Variants in BEGAIN observed in about 807,000 individuals in gnomAD.
BEGAIN encodes brain-enriched guanylate kinase-associated protein.
BEGAIN carries 19 observed loss-of-function variants against 35.8 expected under a neutral mutation model. That is an observed-to-expected ratio of 0.53 (90% CI 0.37 to 0.78). The LOEUF (loss-of-function observed/expected upper bound fraction) is 0.78. Among genes scored for constraint, BEGAIN ranks in the 30% least tolerant of loss-of-function variants. The pLI, the probability that BEGAIN is intolerant of heterozygous loss-of-function variation, is 0.00. For missense variants in BEGAIN, 795 were observed against 853.6 expected (o/e 0.93, Z 0.85); for synonymous variants, 462 against 388.6 (o/e 1.19, Z -2.22).
At position 100,538,357 on chromosome 14, in the gene BEGAIN, C is replaced by A; in HGVS notation, c.1451G>T (p.Ser484Ile). The A allele has an allele frequency of 6.6e-7, 1 of 1,514,346 alleles. No homozygotes were observed. The allele number at this position is 1,514,346 out of a possible 1,614,324, so 93.8% of individuals were successfully genotyped here. ...SPGKKADGRA[S>I]PLYASYKADS... Reference sequence around the variant, plus strand: ...GGCCTTGTAGCTGGCGTAGAGCGGGCTGGCGCGGCCGTCGGCCTTCTTGCC... The same window carrying A: ...GGCCTTGTAGCTGGCGTAGAGCGGGATGGCGCGGCCGTCGGCCTTCTTGCC... The change falls in exon 7 of 7, where the codon AGC (serine) becomes ATC (isoleucine). Residue 484 changes from serine (S) to isoleucine (I), a missense_variant. Around this residue, in one of 3 missense-constraint regions of BEGAIN, gnomAD observed 664 missense variants for 647.7 expected, o/e 1.03. Coordinates refer to ENST00000554140, the MANE Select transcript of BEGAIN (RefSeq NM_001385089.1).
intron 2 of BEGAIN, 61 bp from the exon 3 acceptor site, chr14:100,546,723 G>T: frequency 6.8e-7 from 1 of 1,466,122 alleles, no homozygotes. Flanking sequence ...ACTAAGGCCC[G>T]CAGGCCAGCC....
rs527841106 is a variant in BEGAIN at position 100,586,609 on chromosome 14, G to C, written c.42+640C>G. Among the ~76,000 whole-genome samples, 1 of 152,324 alleles carries C rather than the reference G, an allele frequency of 6.6e-6. No homozygotes were observed. The highest frequency in any genetic ancestry group is 2.4e-5 in the African/African-American group (1 of 41,594). On this transcript the variant is annotated intron_variant, in intron 1 of 6. Coordinates refer to ENST00000554140, the MANE Select transcript of BEGAIN (RefSeq NM_001385089.1). The surrounding 1 kb of genome is among the most constrained non-coding windows in gnomAD (Gnocchi z 4.9). ...ACGTGCTGGGGCTCAGGGAGGGTGA[G>C]CGCGCCGGCTGAGCCGCTCTGGGCG... is the stretch of plus-strand genomic sequence containing the variant.
At chr14:100,541,122 G>A (rs541290840) in intron 5 of BEGAIN, among the ~76,000 whole-genome samples, 1 of 152,270 alleles carries the variant, frequency 6.6e-6, no homozygotes, top group African/African-American at 2.4e-5. Context: ...GACTGGGCAG[G>A]TGTGTGACCT....
At chr14:100,562,288 C>A (rs2034326806) in intron 2 of BEGAIN, among the ~76,000 whole-genome samples, 1 of 152,098 alleles carries the variant, frequency 6.6e-6, no homozygotes, top group African/African-American at 2.4e-5. Context: ...GTTGTCGGGG[C>A]CCAGACCACA....
intron 1 of BEGAIN, among the ~76,000 whole-genome samples, chr14:100,583,787 C>T (rs192251849): frequency 1.2e-4 from 18 of 150,350 alleles, no homozygotes; most frequent in African/African-American, 4.2e-4. Context: ...ACCTCTGCCT[C>T]CTGGGTTCAA....
intron 2 of BEGAIN, among the ~76,000 whole-genome samples, chr14:100,564,177 T>C (rs1328269395): frequency 1.3e-5 from 2 of 151,706 alleles, no homozygotes; most frequent in African/African-American, 4.8e-5. Context: ...GTTGGCCATG[T>C]TGAACTCCTT....
intron 3 of BEGAIN, chr14:100,545,376 C>T: frequency 8.3e-7 from 1 of 1,199,202 alleles, no homozygotes. Context: ...ACACGCGGAG[C>T]CAGTTTACTC....
intron 2 of BEGAIN, among the ~76,000 whole-genome samples, chr14:100,562,783 A>C (rs1394294834): frequency 6.6e-6 from 1 of 151,390 alleles, no homozygotes; most frequent in Admixed American, 6.6e-5. Context: ...CCCGCCCCCC[A>C]CTCACTGCCT....
intron 1 of BEGAIN, among the ~76,000 whole-genome samples, chr14:100,570,817 G>A (rs142947000): frequency 1.6e-4 from 24 of 152,318 alleles, no homozygotes; most frequent in African/African-American, 5.8e-4. Flanking sequence ...AAGACTCGGT[G>A]ATTTTCGTGA....
At position 100,563,087 on chromosome 14, in the gene BEGAIN, T is replaced by C. The variant is rs891374367; in HGVS notation, c.71+4824A>G. Among the ~76,000 whole-genome samples the C allele has an allele frequency of 2.0e-5, 3 of 152,210 alleles. No homozygotes were observed. The highest frequency in any genetic ancestry group is 4.4e-5 in the Non-Finnish European group (3 of 68,040). On this transcript the variant is annotated intron_variant, in intron 2 of 6. Coordinates refer to ENST00000554140, the MANE Select transcript of BEGAIN (RefSeq NM_001385089.1). The surrounding 1 kb of genome is among the most constrained non-coding windows in gnomAD (Gnocchi z 4.2). ...GGTCAGGACCTTCGAGGCCACCTGCTCTCCATCTGTCTCCATCCCTGGGAC... is the reference window on the plus strand; with the variant it reads ...GGTCAGGACCTTCGAGGCCACCTGCCCTCCATCTGTCTCCATCCCTGGGAC...
intron 5 of BEGAIN, among the ~76,000 whole-genome samples, chr14:100,543,445 G>A (rs1349495643): frequency 6.6e-6 from 1 of 152,192 alleles, no homozygotes; most frequent in African/African-American, 2.4e-5. Flanking sequence ...CAGGGTCCCT[G>A]AAATTAGGCC....
At chr14:100,583,778 C>T (rs930026348) in intron 1 of BEGAIN, among the ~76,000 whole-genome samples, 1 of 144,402 alleles carries the variant, frequency 6.9e-6, no homozygotes, top group Non-Finnish European at 1.5e-5. Context: ...TGCAACCTCA[C>T]CTCTGCCTCC....
rs999783883 is a variant in BEGAIN at position 100,577,939 on chromosome 14, G to GC, written c.42+9309dup. 6.3e-5 allele frequency: 25 copies of GC among 399,202 alleles called. No homozygotes were observed. In the Admixed American group the frequency reaches 8.4e-4, roughly 13 times the overall value. 24.7% of individuals were successfully genotyped at this position (399,202 alleles called of 1,614,324 possible). A position where few individuals can be genotyped will look rare whatever the true frequency, so the allele number is the denominator to read the frequency against. ...GTTAGAGCCCCGTGCCTGGGAGCTG[G>GC]CCCCTGAGAGCATCCTCCTGAGTCA... On this transcript the variant is annotated intron_variant, in intron 1 of 6. Coordinates refer to ENST00000554140, the MANE Select transcript of BEGAIN (RefSeq NM_001385089.1).
intron 2 of BEGAIN, among the ~76,000 whole-genome samples, chr14:100,552,277 C>G (rs2033281975): frequency 6.6e-6 from 1 of 152,120 alleles, no homozygotes; most frequent in Non-Finnish European, 1.5e-5. Context: ...TGTGACTTGA[C>G]CCAGGCTCTG....
At chr14:100,552,978 C>T (rs1030183660) in intron 2 of BEGAIN, among the ~76,000 whole-genome samples, 1 of 151,848 alleles carries the variant, frequency 6.6e-6, no homozygotes, top group African/African-American at 2.4e-5. Context: ...CCACCTGGGC[C>T]CTGTGTGTCT....
At chr14:100,556,245 C>T (rs1033348304) in intron 2 of BEGAIN, among the ~76,000 whole-genome samples, 121 of 152,242 alleles carry the variant, frequency 7.9e-4, no homozygotes, top group African/African-American at 2.8e-3. Context: ...TGGCTGGCCG[C>T]GCCACTGCTC....
chr14:100,574,524 T>TC (rs1449195025), intron 1 of BEGAIN, among the ~76,000 whole-genome samples: 1 of 152,084 alleles, frequency 6.6e-6, no homozygotes, highest in African/African-American at 2.4e-5. Flanking sequence ...AAAGGTTTTT[T>TC]TTTTTTTTTT....
chr14:100,569,002 C>T, intron 1 of BEGAIN: 1 of 945,098 alleles, frequency 1.1e-6, no homozygotes, highest in Non-Finnish European at 1.3e-6. Context: ...CGCCGCCTCC[C>T]CCACCGCCCC....
chr14:100,580,096 G>A (rs1258610285), intron 1 of BEGAIN, among the ~76,000 whole-genome samples: 2 of 152,194 alleles, frequency 1.3e-5, no homozygotes, highest in African/African-American at 2.4e-5. Flanking sequence ...CCTGAGGTCA[G>A]GAGTTCGAGA....
Sources: allele counts gnomAD v4.1 joint callset (sites outside exome capture counted in the v4.1 genomes callset), GRCh38; gene constraint gnomAD v4.1.1; regional missense constraint gnomAD v4.1.1; non-coding constraint Gnocchi (gnomAD v3.1); transcripts MANE v1.5; gene names NCBI Gene and HGNC (gene_info 2026-07-23, HGNC 2026-07-21).